Variants in HIRA observed in about 807,000 individuals in gnomAD.
The protein encoded by HIRA is protein HIRA.
Under a neutral mutation model 126.6 loss-of-function variants are expected in HIRA, and 13 were observed. The observed-to-expected ratio is 0.10, with a 90% confidence interval of 0.07 to 0.16. HIRA has a LOEUF of 0.16. Among genes scored for constraint, HIRA ranks in the 10% least tolerant of loss-of-function variants. HIRA has a pLI of 1.00. For synonymous variants in HIRA, 511 were observed against 520.0 expected (o/e 0.98, Z 0.24); for missense variants, 834 against 1,314.4 (o/e 0.63, Z 5.65).
At position 19,353,488 on chromosome 22, in the gene HIRA, C is replaced by T. The variant is rs781954576; in HGVS notation, c.2716G>A (p.Val906Met). 5.3e-5 allele frequency: 85 copies of T among 1,611,624 alleles called. No individual in the cohort carries two copies. The highest frequency in any genetic ancestry group is 6.7e-5 in the Non-Finnish European group (79 of 1,179,442). ...GTCTCTTGCTGCACCACATGAGGCA[C>T]GGAGAAGAGCCGGGCAGCCTGCCTT... ...SGRQAARLFSVPHVVQQETTL... is the reference protein window; with the variant it reads ...SGRQAARLFSMPHVVQQETTL... The change falls in exon 23 of 25, where the codon GTG (valine) becomes ATG (methionine). Residue 906 changes from valine (V) to methionine (M), a missense_variant. Physicochemically the swap from Val to Met is conservative, Grantham distance 21. This residue lies in a region of HIRA where 468 missense variants were observed against 574.2 expected (regional missense o/e 0.82). Transcript: ENST00000263208.
In HIRA at chr22:19,361,358, C is replaced by A; in HGVS notation, c.1981-17G>T. 6.2e-7 allele frequency: 1 copy of A among 1,606,356 alleles called. No homozygotes were observed. The highest frequency in any genetic ancestry group is 8.5e-7 in the Non-Finnish European group (1 of 1,172,822). On this transcript the variant is annotated splice_polypyrimidine_tract_variant and intron_variant, in intron 16 of 24. Coordinates refer to ENST00000263208, the MANE Select transcript of HIRA (RefSeq NM_003325.4). ...AGCTGGAGACTGGAAGAGCCAGAAA[C>A]GTTCCTGAGCCTTGCTCTAACACTA...
chr22:19,344,395 CTA>C (rs1253088875), intron 24 of HIRA, among the ~76,000 whole-genome samples: 48 of 152,164 alleles, frequency 3.2e-4, no homozygotes, highest in African/African-American at 1.1e-3. Context: ...GCATGAACAA[CTA>C]TATGACAATA....
At chr22:19,422,971 C>G (rs747001815) in intron 1 of HIRA, among the ~76,000 whole-genome samples, 4 of 152,192 alleles carry the variant, frequency 2.6e-5, no homozygotes, top group Non-Finnish European at 4.4e-5. Context: ...GCCTCCCCAG[C>G]TACAGAACTC....
At position 19,371,249 on chromosome 22, in the gene HIRA, G is replaced by A. The variant is rs138915860; in HGVS notation, c.1775+4382C>T. 2.6e-5 allele frequency among the ~76,000 whole-genome samples: 4 copies of A among 152,240 alleles called. No homozygotes were observed. The East Asian group carries it at 5.8e-4, about 22-fold the overall frequency. ...ACCCCGCAGCACATCCTCCTGGGGG[G>A]ACTCCTCTCTATTGCCCTGTCTTCA... On this transcript the variant is annotated intron_variant, in intron 15 of 24. Coordinates refer to ENST00000263208, the MANE Select transcript of HIRA (RefSeq NM_003325.4).
chr22:19,342,535 C>A (rs782102757), intron 24 of HIRA, among the ~76,000 whole-genome samples: 7 of 152,118 alleles, frequency 4.6e-5, no homozygotes, highest in Admixed American at 4.6e-4. Flanking sequence ...TATAGGCATG[C>A]GCCACCATGG....
At chr22:19,416,578 G>A (rs528587245) in intron 1 of HIRA, among the ~76,000 whole-genome samples, 11 of 152,076 alleles carry the variant, frequency 7.2e-5, no homozygotes, top group African/African-American at 2.4e-4. Context: ...GAGTTCAAGC[G>A]ATCTGCTACC....
At chr22:19,380,563 T>C (rs1027433134) in intron 13 of HIRA, among the ~76,000 whole-genome samples, 2 of 152,234 alleles carry the variant, frequency 1.3e-5, no homozygotes, top group East Asian at 1.9e-4. Flanking sequence ...TAATCTTCTT[T>C]TTCAGAAATA....
At chr22:19,372,493 G>A (rs1245176111) in intron 15 of HIRA, among the ~76,000 whole-genome samples, 1 of 151,674 alleles carries the variant, frequency 6.6e-6, no homozygotes, top group Non-Finnish European at 1.5e-5. Flanking sequence ...TTAATTAGAT[G>A]GGATTTGCAA....
chr22:19,356,795 G>A (rs1556012664), intron 19 of HIRA, 95 bp downstream of exon 19: 1 of 1,274,298 alleles, frequency 7.8e-7, no homozygotes, highest in East Asian at 2.4e-5. Flanking sequence ...GGCCAGCCTT[G>A]TCCACTGCCT....
Position 19,431,641 on chromosome 22 carries a change from CGCCGCCACAGCCGCCACCCGCGCTCG to C in HIRA, c.-191_-166del. ...GCCATCGCCGGCCCGCGCCCCCCTCCGCCGCCACAGCCGCCACCCGCGCTCGGCCGCCGCCGCCGCCACCACAGCCG... is the reference window on the plus strand; with the variant it reads ...GCCATCGCCGGCCCGCGCCCCCCTCCGCCGCCGCCGCCGCCACCACAGCCG... On this transcript the variant is annotated 5_prime_UTR_variant, in exon 1 of 25. An upstream open reading frame in the 5' UTR loses its in-frame stop. Coordinates refer to ENST00000263208, the MANE Select transcript of HIRA (RefSeq NM_003325.4). 1.5e-6 allele frequency: 1 copy of C among 665,290 alleles called. No individual in the cohort carries two copies. The highest frequency in any genetic ancestry group is 1.9e-6 in the Non-Finnish European group (1 of 513,614). 41.2% of individuals were successfully genotyped at this position (665,290 alleles called of 1,614,324 possible).
intron 4 of HIRA, 91 bp downstream of exon 4, chr22:19,407,093 T>C (rs2089314218): frequency 9.5e-7 from 1 of 1,047,314 alleles, no homozygotes; most frequent in African/African-American, 1.6e-5. Flanking sequence ...CTATGGGAAC[T>C]TCAGTGACAG....
At chr22:19,378,749 T>C (rs1416435837) in intron 13 of HIRA, among the ~76,000 whole-genome samples, 1 of 152,252 alleles carries the variant, frequency 6.6e-6, no homozygotes, top group East Asian at 1.9e-4. Flanking sequence ...CAAAGAATTA[T>C]GAAATTCTAA....
At chr22:19,358,726 T>C (rs371995807) in intron 18 of HIRA, among the ~76,000 whole-genome samples, 8 of 152,210 alleles carry the variant, frequency 5.3e-5, no homozygotes, top group African/African-American at 1.9e-4. Flanking sequence ...GTAATTATGA[T>C]GACTGTATCT....
At chr22:19,395,294 T>C (rs914110854) in intron 7 of HIRA, among the ~76,000 whole-genome samples, 3 of 152,068 alleles carry the variant, frequency 2.0e-5, no homozygotes, top group Non-Finnish European at 2.9e-5. Flanking sequence ...AGCCTGAGTA[T>C]AGTGAAATCA....
intron 13 of HIRA, 57 bp downstream of exon 13, chr22:19,383,563 G>T: frequency 7.2e-7 from 1 of 1,392,996 alleles, no homozygotes; most frequent in Non-Finnish European, 1.0e-6. Context: ...GTTAACCGCT[G>T]AAAGAAGACA....
chr22:19,429,450 C>G (rs1359712077), intron 1 of HIRA, among the ~76,000 whole-genome samples: 1 of 152,118 alleles, frequency 6.6e-6, no homozygotes, highest in African/African-American at 2.4e-5. Context: ...TTTATTATTA[C>G]TTATTATCTC....
chr22:19,366,334 C>G (rs2088912917), intron 15 of HIRA, among the ~76,000 whole-genome samples: 1 of 152,200 alleles, frequency 6.6e-6, no homozygotes, highest in African/African-American at 2.4e-5. Context: ...TGCACTCCAG[C>G]CTGGGCGACA....
At chr22:19,361,184 C>G in intron 17 of HIRA, 53 bp downstream of exon 17, 6 of 1,326,144 alleles carry the variant, frequency 4.5e-6, no homozygotes, top group Non-Finnish European at 6.5e-6. Flanking sequence ...CAGTAGGGGA[C>G]AGAGAATGTC....
chr22:19,368,013 A>T (rs1389599293), intron 15 of HIRA, among the ~76,000 whole-genome samples: 5 of 152,180 alleles, frequency 3.3e-5, no homozygotes, highest in Non-Finnish European at 7.3e-5. Flanking sequence ...TCTAAATATG[A>T]CAGACTCCCT....
Sources: allele counts gnomAD v4.1 joint callset (sites outside exome capture counted in the v4.1 genomes callset), GRCh38; gene constraint gnomAD v4.1.1; regional missense constraint gnomAD v4.1.1; transcripts MANE v1.5; gene names NCBI Gene and HGNC (gene_info 2026-07-23, HGNC 2026-07-21).